The following EFCAB6 variants were observed in gnomAD, a reference collection of about 807,000 sequenced individuals.
EFCAB6 encodes EF-hand calcium binding domain 6.
A neutral mutation model predicts 169.8 loss-of-function variants in EFCAB6; 156 were observed. That is an observed-to-expected ratio of 0.92 (90% CI 0.81 to 1.05). The LOEUF (loss-of-function observed/expected upper bound fraction) is 1.05, where lower values mean the gene tolerates loss of function less well. Ranked by LOEUF, EFCAB6 falls within the 50% of genes least tolerant of loss-of-function variation. EFCAB6 has a pLI of 0.00. For missense variants in EFCAB6, 1,800 were observed against 1,829.1 expected (o/e 0.98, Z 0.29); for synonymous variants, 698 against 676.4 (o/e 1.03, Z -0.50).
At position 43,756,705 on chromosome 22, in the gene EFCAB6, C is replaced by CCATGAAGAA. The variant is rs148042264; in HGVS notation, c.441-882_441-874dup. Among the ~76,000 whole-genome samples the CCATGAAGAA allele has an allele frequency of 1.5e-3, 228 of 152,208 alleles. 1 individual carries two copies. Among genetic ancestry groups the CCATGAAGAA allele is most frequent in the African/African-American group, 5.0e-3 (206 of 41,520 alleles). On this transcript the variant is annotated intron_variant, in intron 5 of 31. Coordinates refer to ENST00000262726, the MANE Select transcript of EFCAB6 (RefSeq NM_022785.4). ...ATGTGAGCTGAAATAATAAAAGGTG[C>CCATGAAGAA]CATGAAGAACATAAAGATGGGCAGG...
At chr22:43,728,712 T>C (rs2059827744) in intron 8 of EFCAB6, among the ~76,000 whole-genome samples, 1 of 152,232 alleles carries the variant, frequency 6.6e-6, no homozygotes, top group South Asian at 2.1e-4. Flanking sequence ...AATGTCTTCT[T>C]TTGAGAAGTG....
At chr22:43,583,952 A>C (rs918247208) in intron 24 of EFCAB6, among the ~76,000 whole-genome samples, 7 of 152,208 alleles carry the variant, frequency 4.6e-5, no homozygotes, top group African/African-American at 1.7e-4. Flanking sequence ...TTTGACACTA[A>C]GGCTAGAGGC....
At chr22:43,709,896 T>G (rs137827) in intron 10 of EFCAB6, among the ~76,000 whole-genome samples, 33,364 of 152,042 alleles carry the variant, frequency 0.22, 3,813 homozygotes, top group Middle Eastern at 0.26. Flanking sequence ...TCGTACATGG[T>G]GATTCTCTCT....
chr22:43,556,415 A>C (rs2048710496), intron 26 of EFCAB6, among the ~76,000 whole-genome samples: 1 of 152,176 alleles, frequency 6.6e-6, no homozygotes, highest in Non-Finnish European at 1.5e-5. Context: ...AGGTGACCAC[A>C]CAAGAAAGCT....
At chr22:43,547,935 CAA>C (rs1047886134) in intron 27 of EFCAB6, among the ~76,000 whole-genome samples, 1 of 151,462 alleles carries the variant, frequency 6.6e-6, no homozygotes, top group Non-Finnish European at 1.5e-5. Context: ...AGTAAAAATA[CAA>C]AAAACAAAAT....
intron 18 of EFCAB6, among the ~76,000 whole-genome samples, chr22:43,634,723 C>T (rs2055252685): frequency 6.6e-6 from 1 of 152,100 alleles, no homozygotes; most frequent in Non-Finnish European, 1.5e-5. Flanking sequence ...CTGCAACCTT[C>T]TCTGTCCACA....
At chr22:43,550,079 T>A (rs751902902) in intron 27 of EFCAB6, among the ~76,000 whole-genome samples, 2 of 151,332 alleles carry the variant, frequency 1.3e-5, no homozygotes, top group Non-Finnish European at 2.9e-5. Flanking sequence ...GAAGGAGGAG[T>A]AGGCATTGAA....
chr22:43,533,657 C>T lies in EFCAB6; in HGVS notation c.4233+1031G>A, dbSNP rs539226899. On this transcript the variant is annotated intron_variant, in intron 30 of 31. Coordinates refer to ENST00000262726, the MANE Select transcript of EFCAB6 (RefSeq NM_022785.4). ...CCCTTGCCTCCCAGGTGCGAGCCCC[C>T]AGCACACAGGCTGTGGGCTTTTTGC... 6.6e-5 allele frequency among the ~76,000 whole-genome samples: 10 copies of T among 152,342 alleles called. No homozygotes were observed. The East Asian group carries it at 1.9e-3, about 29-fold the overall frequency.
intron 10 of EFCAB6, among the ~76,000 whole-genome samples, chr22:43,709,111 G>T (rs129378): frequency 0.54 from 82,039 of 151,858 alleles, 22,579 homozygotes; most frequent in East Asian, 0.77. Context: ...GGACAGAGTC[G>T]TGCTCTGTTG....
rs779529770 is a variant in EFCAB6, at chr22:43,706,631, GACAA to G, written c.1031+4840_1031+4843del. ...AAAGAACCTAAAGGCCCAGATGGCA[GACAA>G]ACAGTTAAATAGTCTGATGTATAAA... is the stretch of plus-strand genomic sequence containing the variant. On this transcript the variant is annotated intron_variant, in intron 10 of 31. Transcript: ENST00000262726. Among the ~76,000 whole-genome samples the G allele has an allele frequency of 3.9e-5, 6 of 152,328 alleles. No individual in the cohort carries two copies. In the East Asian group the frequency reaches 5.8e-4, roughly 15 times the overall value.
At chr22:43,624,905 C>T (rs2147817782) in intron 20 of EFCAB6, among the ~76,000 whole-genome samples, 1 of 152,234 alleles carries the variant, frequency 6.6e-6, no homozygotes, top group Non-Finnish European at 1.5e-5. Context: ...GTTCGTTCGG[C>T]AGAGAATGGA....
At chr22:43,702,219 C>T (rs963812064) in intron 10 of EFCAB6, among the ~76,000 whole-genome samples, 4 of 152,188 alleles carry the variant, frequency 2.6e-5, no homozygotes, top group African/African-American at 7.2e-5. Context: ...CAATGTGAAT[C>T]ACTACTCTTT....
chr22:43,559,506 T>C (rs2048901850), intron 26 of EFCAB6, among the ~76,000 whole-genome samples: 1 of 152,194 alleles, frequency 6.6e-6, no homozygotes, highest in African/African-American at 2.4e-5. Context: ...GCAATCCCAT[T>C]ACTGGGTATA....
At chr22:43,652,731 A>G (rs981704400) in intron 17 of EFCAB6, among the ~76,000 whole-genome samples, 1 of 152,104 alleles carries the variant, frequency 6.6e-6, no homozygotes, top group Non-Finnish European at 1.5e-5. Context: ...ATTCTAAGAG[A>G]CAGAACCATA....
chr22:43,800,950 A>G (rs551767910), intron 2 of EFCAB6, among the ~76,000 whole-genome samples: 1 of 152,346 alleles, frequency 6.6e-6, no homozygotes, highest in South Asian at 2.1e-4. Flanking sequence ...ACCTTCCAAG[A>G]CTTGAGAAAG....
At chr22:43,530,377 A>G (rs1003758773) in intron 31 of EFCAB6, among the ~76,000 whole-genome samples, 2 of 152,214 alleles carry the variant, frequency 1.3e-5, no homozygotes, top group Non-Finnish European at 2.9e-5. Context: ...CAGATGCCCA[A>G]TGGTGGAGCC....
chr22:43,738,314 TCA>T (rs769682224), intron 6 of EFCAB6, among the ~76,000 whole-genome samples: 1 of 144,694 alleles, frequency 6.9e-6, no homozygotes, highest in African/African-American at 2.6e-5. Context: ...ACACCGTCAC[TCA>T]CACATATATA....
chr22:43,713,192 C>T (rs4823132), intron 9 of EFCAB6, among the ~76,000 whole-genome samples: 115,859 of 152,028 alleles, frequency 0.76, 44,296 homozygotes, highest in East Asian at 0.86. Context: ...GACTTTTTAC[C>T]TGTTTAATAA....
intron 24 of EFCAB6, 24 bp downstream of exon 24, chr22:43,590,050 A>G (rs1190924076): frequency 2.1e-6 from 3 of 1,434,400 alleles, no homozygotes; most frequent in Non-Finnish European, 2.9e-6. Flanking sequence ...CATGAGAAAC[A>G]TATTTAACTG....
Sources: gnomAD v4.1 joint callset for allele counts (sites outside exome capture counted in the v4.1 genomes callset) on GRCh38, gnomAD v4.1.1 for gene constraint, MANE v1.5 for transcripts, NCBI Gene and HGNC (gene_info 2026-07-23, HGNC 2026-07-21) for gene names.